PCDHA13: variants seen among roughly 807,000 people sequenced by gnomAD.
PCDHA13 encodes the protein protocadherin alpha 13, also known as protocadherin alpha-13.
Under a neutral mutation model 64.8 loss-of-function variants are expected in PCDHA13, and 54 were observed. That is an observed-to-expected ratio of 0.83 (90% CI 0.67 to 1.04). The LOEUF (loss-of-function observed/expected upper bound fraction) is 1.04, where lower values mean the gene tolerates loss of function less well. Ranked by LOEUF, PCDHA13 falls within the 50% of genes least tolerant of loss-of-function variation. PCDHA13 has a pLI of 0.00. For synonymous variants in PCDHA13, 587 were observed against 564.4 expected (o/e 1.04, Z -0.57); for missense variants, 1,248 against 1,254.3 (o/e 0.99, Z 0.08).
intron 1 of PCDHA13, among the ~76,000 whole-genome samples, chr5:140,912,304 C>T (rs904729298): frequency 6.6e-6 from 1 of 151,998 alleles, no homozygotes; most frequent in Admixed American, 6.6e-5. Flanking sequence ...TCCTGTAATC[C>T]AGTCAAGTTG....
intron 1 of PCDHA13, among the ~76,000 whole-genome samples, chr5:140,888,140 G>A (rs2061708866): frequency 1.3e-5 from 2 of 152,080 alleles, no homozygotes; most frequent in Admixed American, 1.3e-4. Context: ...TTTTCTTGCT[G>A]TTTTGCATGA....
At chr5:140,962,384 A>G (rs1234630298) in intron 1 of PCDHA13, among the ~76,000 whole-genome samples, 7 of 152,202 alleles carry the variant, frequency 4.6e-5, no homozygotes, top group Non-Finnish European at 8.8e-5. Context: ...ATCTGTTAAT[A>G]TTACGCAATC....
At chr5:141,005,696 C>A (rs1269379462) in intron 3 of PCDHA13, among the ~76,000 whole-genome samples, 1 of 105,034 alleles carries the variant, frequency 9.5e-6, no homozygotes, top group African/African-American at 4.2e-5. Flanking sequence ...AGCGAAACTC[C>A]GTCTCAAAAA....
intron 1 of PCDHA13, among the ~76,000 whole-genome samples, chr5:140,945,397 A>G (rs2093784345): frequency 6.6e-6 from 1 of 152,132 alleles, no homozygotes; most frequent in Admixed American, 6.5e-5. Context: ...TACAAATTCA[A>G]TACAATTCGT....
chr5:140,928,081 C>G lies in PCDHA13; in HGVS notation c.2394+43419C>G, dbSNP rs782268064. On this transcript the variant is annotated intron_variant, in intron 1 of 3. Coordinates refer to ENST00000289272, the MANE Select transcript of PCDHA13 (RefSeq NM_018904.3). ...GGCTTCCTTTGACAACTACTACAGC[C>G]TGCTGATTGATGGGCCCCTGGACCG... is the stretch of plus-strand genomic sequence containing the variant. 6.2e-6 allele frequency: 10 copies of G among 1,614,090 alleles called. 1 individual carries two copies. In the South Asian group the frequency reaches 6.6e-5, roughly 11 times the overall value.
At chr5:140,947,622 G>C (rs1435558526) in intron 1 of PCDHA13, among the ~76,000 whole-genome samples, 1 of 151,534 alleles carries the variant, frequency 6.6e-6, no homozygotes, top group East Asian at 1.9e-4. Context: ...TAACAATATT[G>C]AGTCATCAGA....
chr5:140,988,444 A>G (rs1554250146), intron 3 of PCDHA13, among the ~76,000 whole-genome samples: 1 of 152,112 alleles, frequency 6.6e-6, no homozygotes, highest in Non-Finnish European at 1.5e-5. Flanking sequence ...GATTGACCTG[A>G]AGGGAGGAAG....
intron 1 of PCDHA13, among the ~76,000 whole-genome samples, chr5:140,900,446 T>C (rs1344652526): frequency 6.6e-6 from 1 of 152,154 alleles, no homozygotes; most frequent in African/African-American, 2.4e-5. Context: ...GCCGGCTAAT[T>C]TTTTATTTTT....
At chr5:140,918,940 A>G (rs541337613) in intron 1 of PCDHA13, among the ~76,000 whole-genome samples, 1 of 152,212 alleles carries the variant, frequency 6.6e-6, no homozygotes, top group Non-Finnish European at 1.5e-5. Context: ...TTTTGTTATA[A>G]TATCCTGAAC....
chr5:140,938,062 A>G (rs2091901426), intron 1 of PCDHA13, among the ~76,000 whole-genome samples: 1 of 152,176 alleles, frequency 6.6e-6, no homozygotes, highest in Non-Finnish European at 1.5e-5. Context: ...ATATACTGTC[A>G]TGCTATTCCC....
chr5:140,988,381 T>C (rs1554250091), intron 3 of PCDHA13, among the ~76,000 whole-genome samples: 3 of 152,158 alleles, frequency 2.0e-5, no homozygotes, highest in Admixed American at 6.5e-5. Flanking sequence ...GTGAAACTCA[T>C]TGTGTTTGCC....
intron 3 of PCDHA13, among the ~76,000 whole-genome samples, chr5:140,986,392 C>T (rs1331552974): frequency 1.3e-5 from 2 of 152,162 alleles, no homozygotes; most frequent in South Asian, 2.1e-4. Context: ...CATTAAAGGG[C>T]CAGTCGCTCA....
At chr5:140,894,405 C>T (rs1277416530) in intron 1 of PCDHA13, among the ~76,000 whole-genome samples, 4 of 151,926 alleles carry the variant, frequency 2.6e-5, no homozygotes, top group African/African-American at 9.7e-5. Flanking sequence ...CTTTGCTTTT[C>T]TTTTGTAGCT....
chr5:140,981,407 C>G (rs1410838924), intron 2 of PCDHA13, among the ~76,000 whole-genome samples: 1 of 152,042 alleles, frequency 6.6e-6, no homozygotes, highest in Non-Finnish European at 1.5e-5. Flanking sequence ...AAACCTGTCT[C>G]TACTAAAAAT....
In PCDHA13 at chr5:140,884,080, T is replaced by C. The variant is rs2059984285; in HGVS notation, c.1812T>C (p.Asn604=). 1 of 1,613,538 alleles carries C rather than the reference T, an allele frequency of 6.2e-7. No homozygotes were observed. Among genetic ancestry groups the C allele is most frequent in the Non-Finnish European group, 8.5e-7 (1 of 1,179,738 alleles). Residue 604 remains asparagine, a synonymous_variant, in exon 1 of 4, where the codon AAT becomes AAC. Coordinates refer to ENST00000289272, the MANE Select transcript of PCDHA13 (RefSeq NM_018904.3). ...VRAVDADSGY[N]AWLSYELQLA... ...CGGTGGACGCCGATTCGGGCTACAA[T>C]GCGTGGCTTTCGTATGAATTGCAGC...
intron 1 of PCDHA13, among the ~76,000 whole-genome samples, chr5:140,916,237 A>G (rs1004473327): frequency 6.6e-6 from 1 of 152,182 alleles, no homozygotes; most frequent in African/African-American, 2.4e-5. Context: ...CCAGGAGCCA[A>G]AGCCTGGACT....
rs370307660 is a variant in PCDHA13 at position 140,924,901 on chromosome 5, A to T, written c.2394+40239A>T. On this transcript the variant is annotated intron_variant, in intron 1 of 3. Transcript: ENST00000289272. The stretch of plus-strand genomic sequence containing the variant: ...CAGAGCAAGAACCTGTCTCAAAAAA[A>T]AAAATAAAATAAAATAAAATAAAAT... Among the ~76,000 whole-genome samples, 368 of 80,482 alleles carry T rather than the reference A, an allele frequency of 4.6e-3. 1 individual carries two copies. Among genetic ancestry groups the T allele is most frequent in the East Asian group, 9.1e-3 (17 of 1,868 alleles). The allele number at this position is 80,482 out of a possible 152,430, so 52.8% of individuals were successfully genotyped here. A position where few individuals can be genotyped will look rare whatever the true frequency, so the allele number is the denominator to read the frequency against.
At chr5:140,989,810 AT>A (rs2097361628) in intron 3 of PCDHA13, among the ~76,000 whole-genome samples, 1 of 152,192 alleles carries the variant, frequency 6.6e-6, no homozygotes, top group Non-Finnish European at 1.5e-5. Context: ...GGGCCATAAG[AT>A]TGGTCACTGC....
In PCDHA13 at chr5:140,883,621, C is replaced by G. The variant is rs368758287; in HGVS notation, c.1353C>G (p.Asn451Lys). ...TGGGGGTGGCCGACGTGAACGACAA[C>G]GCGCCGGCGTTCGCGCAGCCCGAGT... ...VSVGVADVND[N>K]APAFAQPEYT... Residue 451 changes from asparagine to lysine, a missense_variant, in exon 1 of 4, where the codon AAC (asparagine) becomes AAG (lysine). Physicochemically the swap from Asn to Lys is moderately conservative, Grantham distance 94. Coordinates refer to ENST00000289272, the MANE Select transcript of PCDHA13 (RefSeq NM_018904.3). 1.2e-6 allele frequency: 2 copies of G among 1,613,850 alleles called. No homozygotes were observed. Among genetic ancestry groups the G allele is most frequent in the African/African-American group, 2.7e-5 (2 of 74,942 alleles).
Sources: allele counts gnomAD v4.1 joint callset (sites outside exome capture counted in the v4.1 genomes callset), GRCh38; gene constraint gnomAD v4.1.1; transcripts MANE v1.5; gene names NCBI Gene and HGNC (gene_info 2026-07-23, HGNC 2026-07-21).